Variants in SNX29 observed in about 807,000 individuals in gnomAD.
SNX29 encodes sorting nexin 29, also known as sorting nexin-29.
SNX29 carries 78 observed loss-of-function variants against 102.1 expected under a neutral mutation model. That is an observed-to-expected ratio of 0.76 (90% CI 0.64 to 0.92). SNX29 has a LOEUF of 0.92. Ranked by LOEUF, SNX29 falls within the 40% of genes least tolerant of loss-of-function variation. SNX29 has a pLI of 0.00. For missense variants in SNX29, 1,280 were observed against 1,061.7 expected (o/e 1.21, Z -2.86); for synonymous variants, 580 against 414.5 (o/e 1.40, Z -4.85).
chr16:12,390,205 C>T, intron 16 of SNX29, among the ~76,000 whole-genome samples: 1 of 150,396 alleles, frequency 6.6e-6, no homozygotes, highest in East Asian at 1.9e-4. Context: ...TGTGTGCACG[C>T]ACAGCCTCTT....
chr16:12,026,813 TA>T (rs1412846751), intron 3 of SNX29, among the ~76,000 whole-genome samples: 1 of 152,194 alleles, frequency 6.6e-6, no homozygotes, highest in African/African-American at 2.4e-5. Context: ...TCAGAATTCA[TA>T]TATTCTTTTT....
At chr16:12,003,226 G>A (rs913012256) in intron 3 of SNX29, among the ~76,000 whole-genome samples, 183 bp downstream of exon 3, 1 of 152,082 alleles carries the variant, frequency 6.6e-6, no homozygotes. Context: ...GACTCTGTGC[G>A]GTGACTGCTC....
At chr16:12,396,853 G>A (rs1390743803) in intron 16 of SNX29, among the ~76,000 whole-genome samples, 1 of 152,170 alleles carries the variant, frequency 6.6e-6, no homozygotes, top group Non-Finnish European at 1.5e-5. Context: ...CAGTTAATAC[G>A]TCTTCATTGT....
At chr16:12,272,623 A>G (rs1339105454) in intron 14 of SNX29, among the ~76,000 whole-genome samples, 15 of 152,244 alleles carry the variant, frequency 9.9e-5, no homozygotes, top group Admixed American at 9.8e-4. Flanking sequence ...ACATATAATC[A>G]TAGTTTACAC....
chr16:12,157,453 C>T (rs560827515), intron 13 of SNX29, among the ~76,000 whole-genome samples: 1 of 152,114 alleles, frequency 6.6e-6, no homozygotes, highest in Non-Finnish European at 1.5e-5. Flanking sequence ...CTCTTATTGC[C>T]CAGGGCGGGA....
chr16:12,344,430 T>C (rs2081719224), intron 15 of SNX29, among the ~76,000 whole-genome samples: 1 of 152,180 alleles, frequency 6.6e-6, no homozygotes, highest in Admixed American at 6.5e-5. Context: ...AGCTAGAATA[T>C]AGAAACCATG....
chr16:12,435,473 C>T (rs2085494121), intron 18 of SNX29, among the ~76,000 whole-genome samples: 1 of 152,178 alleles, frequency 6.6e-6, no homozygotes, highest in Non-Finnish European at 1.5e-5. Context: ...GTACGAGGCT[C>T]TGAGAACCTG....
intron 3 of SNX29, among the ~76,000 whole-genome samples, chr16:12,026,222 C>G (rs747133409): frequency 7.9e-5 from 12 of 152,210 alleles, no homozygotes; most frequent in Non-Finnish European, 1.5e-4. Context: ...CACCTTCATT[C>G]AGCCCACAGA....
intron 13 of SNX29, among the ~76,000 whole-genome samples, chr16:12,178,075 C>G (rs755493767): frequency 1.3e-5 from 2 of 152,184 alleles, no homozygotes; most frequent in African/African-American, 4.8e-5. Flanking sequence ...TCTATGTCAT[C>G]TTAGTTTTCA....
At chr16:12,166,496 G>A (rs1178899908) in intron 13 of SNX29, among the ~76,000 whole-genome samples, 1 of 152,212 alleles carries the variant, frequency 6.6e-6, no homozygotes, top group East Asian at 1.9e-4. Context: ...AGGAAGGCGG[G>A]GGGCATAGGC....
chr16:12,160,126 GC>G (rs1227054836), intron 13 of SNX29, among the ~76,000 whole-genome samples: 2 of 152,234 alleles, frequency 1.3e-5, no homozygotes, highest in African/African-American at 4.8e-5. Flanking sequence ...CTCTGATGTT[GC>G]CAGGTGTGGA....
intron 13 of SNX29, among the ~76,000 whole-genome samples, chr16:12,151,244 A>G (rs1359852839): frequency 6.6e-6 from 1 of 152,200 alleles, no homozygotes; most frequent in African/African-American, 2.4e-5. Context: ...TACATCAGCT[A>G]TAAATACTTG....
intron 20 of SNX29, among the ~76,000 whole-genome samples, chr16:12,536,118 A>G (rs2077071274): frequency 1.3e-5 from 2 of 152,186 alleles, no homozygotes; most frequent in Admixed American, 6.5e-5. Context: ...GGGTGAACAC[A>G]GCCCAGCTTT....
chr16:12,119,484 CA>C (rs1444818372), intron 11 of SNX29, among the ~76,000 whole-genome samples: 1 of 152,182 alleles, frequency 6.6e-6, no homozygotes, highest in Non-Finnish European at 1.5e-5. Context: ...TTCCATTTTC[CA>C]TCCCATTCCC....
intron 18 of SNX29, among the ~76,000 whole-genome samples, chr16:12,405,954 C>T (rs767908650): frequency 3.3e-5 from 5 of 152,028 alleles, no homozygotes; most frequent in Non-Finnish European, 7.4e-5. Flanking sequence ...ACGGCTTGAA[C>T]CCAGGAGGCA....
rs748700544 is a variant in SNX29, at chr16:12,570,608, C to A, written c.*1979C>A. The A allele has an allele frequency of 4.3e-6, 1 of 232,244 alleles. No individual in the cohort carries two copies. The highest frequency in any genetic ancestry group is 8.5e-6 in the Non-Finnish European group (1 of 117,446). 14.4% of individuals were successfully genotyped at this position (232,244 alleles called of 1,614,324 possible). On this transcript the variant is annotated 3_prime_UTR_variant, in exon 21 of 21. Transcript: ENST00000566228. The stretch of plus-strand genomic sequence containing the variant: ...TGGGTAGCTACCCTGGAGGTCATCT[C>A]CCTGTTCTCTGTTGGATAAAGGAAC...
chr16:12,087,049 A>T (rs2151381688), intron 11 of SNX29: 1 of 152,184 alleles, frequency 6.6e-6, no homozygotes, highest in South Asian at 2.1e-4. Context: ...CTTAAAACTG[A>T]TAGACAAATG....
At chr16:12,312,889 T>C (rs910657119) in intron 15 of SNX29, among the ~76,000 whole-genome samples, 7 of 152,166 alleles carry the variant, frequency 4.6e-5, no homozygotes, top group African/African-American at 1.7e-4. Flanking sequence ...GAGACTGCTT[T>C]AAAAGCCCTT....
chr16:12,259,529 G>C (rs1001808627), intron 14 of SNX29, among the ~76,000 whole-genome samples: 1 of 152,206 alleles, frequency 6.6e-6, no homozygotes, highest in Non-Finnish European at 1.5e-5. Context: ...GAGCTGTGGC[G>C]CAGAGGACTG....
Sources: gnomAD v4.1 joint callset for allele counts (sites outside exome capture counted in the v4.1 genomes callset) on GRCh38, gnomAD v4.1.1 for gene constraint, MANE v1.5 for transcripts, NCBI Gene and HGNC (gene_info 2026-07-23, HGNC 2026-07-21) for gene names.